Variants in ZFAT observed in about 807,000 individuals in gnomAD.
ZFAT encodes the protein zinc finger protein ZFAT.
ZFAT carries 64 observed loss-of-function variants against 117.7 expected under a neutral mutation model. The ratio of observed to expected loss-of-function variants is 0.54; its 90% CI spans 0.44 to 0.67. The LOEUF is 0.67. ZFAT is among the 30% of genes least tolerant of loss of function. ZFAT has a pLI of 0.00. For missense variants in ZFAT, 1,433 were observed against 1,584.5 expected (o/e 0.90, Z 1.62); for synonymous variants, 679 against 615.0 (o/e 1.10, Z -1.54).
chr8:134,647,096 A>G (rs1563722857), intron 2 of ZFAT, among the ~76,000 whole-genome samples: 1 of 152,330 alleles, frequency 6.6e-6, no homozygotes, highest in East Asian at 1.9e-4. Context: ...TTACAGGCCA[A>G]TATTCCTGAT....
intron 15 of ZFAT, among the ~76,000 whole-genome samples, chr8:134,501,778 T>C (rs72735763): frequency 0.11 from 17,063 of 152,118 alleles, 1,226 homozygotes; most frequent in Admixed American, 0.22. Flanking sequence ...ATAGTAGAAG[T>C]CAAAAAAGTG....
chr8:134,553,945 C>T (rs1823379305), intron 11 of ZFAT, among the ~76,000 whole-genome samples: 1 of 152,186 alleles, frequency 6.6e-6, no homozygotes, highest in Non-Finnish European at 1.5e-5. Context: ...GGATACAGGC[C>T]TTCCATCAAA....
At chr8:134,503,712 C>T (rs1819165195) in intron 15 of ZFAT, among the ~76,000 whole-genome samples, 1 of 152,118 alleles carries the variant, frequency 6.6e-6, no homozygotes, top group Non-Finnish European at 1.5e-5. Flanking sequence ...AATTCTTCCT[C>T]CCAACAGCCT....
intron 1 of ZFAT, among the ~76,000 whole-genome samples, chr8:134,696,216 G>A (rs1046457472): frequency 1.2e-4 from 18 of 151,972 alleles, no homozygotes; most frequent in Non-Finnish European, 2.9e-5. Context: ...CGCCAGGCGC[G>A]GACCATCTCT....
At chr8:134,683,603 T>C (rs1279433563) in intron 1 of ZFAT, among the ~76,000 whole-genome samples, 1 of 152,078 alleles carries the variant, frequency 6.6e-6, no homozygotes, top group Non-Finnish European at 1.5e-5. Flanking sequence ...ACCAAGAGCC[T>C]TGCCTGTTGG....
intron 1 of ZFAT, among the ~76,000 whole-genome samples, chr8:134,669,251 A>T (rs1398191668): frequency 6.6e-6 from 1 of 152,226 alleles, no homozygotes; most frequent in Non-Finnish European, 1.5e-5. Flanking sequence ...AATACAGAGA[A>T]TGCCACAAAG....
At chr8:134,553,843 AC>A (rs1823371332) in intron 11 of ZFAT, among the ~76,000 whole-genome samples, 1 of 152,174 alleles carries the variant, frequency 6.6e-6, no homozygotes, top group Admixed American at 6.5e-5. Context: ...GCCCAAGGCC[AC>A]CCAGGCAGTA....
At chr8:134,752,579 A>G in the ZFAT span, among the ~76,000 whole-genome samples, 1 of 152,236 alleles carries the variant, frequency 6.6e-6, no homozygotes, top group African/African-American at 2.4e-5. Flanking sequence ...GAGTGTGTTA[A>G]GTCAGCTTGG....
At chr8:134,482,098 G>A (rs1817351062) in intron 15 of ZFAT, among the ~76,000 whole-genome samples, 1 of 152,072 alleles carries the variant, frequency 6.6e-6, no homozygotes, top group African/African-American at 2.4e-5. Context: ...CTGCAGGGTG[G>A]CTCACTGCTC....
At chr8:134,503,940 G>A (rs569186870) in intron 15 of ZFAT, among the ~76,000 whole-genome samples, 63 of 143,540 alleles carry the variant, frequency 4.4e-4, no homozygotes, top group East Asian at 3.7e-3. Flanking sequence ...ACACGCACAC[G>A]CACACGAACA....
chr8:134,509,597 G>A (rs377729528), intron 15 of ZFAT, 22 bp downstream of exon 15: 2 of 1,612,908 alleles, frequency 1.2e-6, no homozygotes, highest in African/African-American at 1.3e-5. Context: ...GAGATGAATA[G>A]TTACAGAAGG....
intron 10 of ZFAT, among the ~76,000 whole-genome samples, chr8:134,574,389 C>T (rs1166670636): frequency 2.6e-5 from 4 of 152,072 alleles, no homozygotes; most frequent in African/African-American, 4.8e-5. Context: ...AAGCCCCAGC[C>T]TGGCGACTTG....
chr8:134,653,427 T>G (rs1226752004), intron 2 of ZFAT, among the ~76,000 whole-genome samples: 1 of 137,562 alleles, frequency 7.3e-6, no homozygotes, highest in African/African-American at 2.7e-5. Flanking sequence ...CTGTTTTTTT[T>G]TTTTTTTTTT....
At chr8:134,485,787 G>T (rs916092064) in intron 15 of ZFAT, among the ~76,000 whole-genome samples, 2 of 152,140 alleles carry the variant, frequency 1.3e-5, no homozygotes, top group African/African-American at 4.8e-5. Context: ...GAATCTTATG[G>T]CTGAATCCCA....
the ZFAT span, among the ~76,000 whole-genome samples, chr8:134,812,726 ACT>A: frequency 6.6e-6 from 1 of 152,136 alleles, no homozygotes; most frequent in East Asian, 1.9e-4. Context: ...ACAGAGCAAG[ACT>A]CTGTCTCAAT....
intron 1 of ZFAT, among the ~76,000 whole-genome samples, chr8:134,699,267 A>C (rs913437839): frequency 6.6e-6 from 1 of 152,168 alleles, no homozygotes; most frequent in Non-Finnish European, 1.5e-5. Context: ...GCTTCTATCA[A>C]TCTCTAAGGA....
chr8:134,565,625 G>A (rs1824397818), intron 10 of ZFAT: 2 of 677,896 alleles, frequency 3.0e-6, no homozygotes, highest in African/African-American at 1.8e-5. Context: ...CACTCCCCAG[G>A]GAGGGAGAGG....
rs186697205 is a variant in ZFAT, at chr8:134,572,517, C to T, written c.2888-7096G>A. Among the ~76,000 whole-genome samples, 433 of 152,304 alleles carry T rather than the reference C, an allele frequency of 2.8e-3. 1 individual carries two copies. Among genetic ancestry groups the T allele is most frequent in the Non-Finnish European group, 5.4e-3 (364 of 68,018 alleles). ...CACTGTCTTTTAAAAAACAGCCCCC[C>T]AGCCTTGACTGGCTACGCACTGACT... is the stretch of plus-strand genomic sequence containing the variant. On this transcript the variant is annotated intron_variant, in intron 10 of 15. Transcript: ENST00000377838.
At chr8:134,654,828 G>A (rs1027805791) in intron 2 of ZFAT, among the ~76,000 whole-genome samples, 2 of 152,224 alleles carry the variant, frequency 1.3e-5, no homozygotes, top group African/African-American at 2.4e-5. Context: ...GAGCTGAACA[G>A]CCCAAATCCC....
Sources: gnomAD v4.1 joint callset for allele counts (sites outside exome capture counted in the v4.1 genomes callset) on GRCh38, gnomAD v4.1.1 for gene constraint, MANE v1.5 for transcripts, NCBI Gene and HGNC (gene_info 2026-07-23, HGNC 2026-07-21) for gene names.